Variants in VPS53 observed in about 807,000 individuals in gnomAD.
VPS53 encodes VPS53 subunit of GARP complex.
VPS53 carries 70 observed loss-of-function variants against 107.0 expected under a neutral mutation model. That is an observed-to-expected ratio of 0.65 (90% CI 0.54 to 0.80). The LOEUF (loss-of-function observed/expected upper bound fraction) is 0.80. VPS53 is among the 30% of genes least tolerant of loss of function. The probability of loss-of-function intolerance (pLI) is 0.00; values close to 1 mark genes in which losing one functional copy is unlikely to be tolerated. For synonymous variants in VPS53, 409 were observed against 393.3 expected (o/e 1.04, Z -0.47); for missense variants, 917 against 1,049.4 (o/e 0.87, Z 1.74).
chr17:584,555 G>T (rs929665918), intron 13 of VPS53, among the ~76,000 whole-genome samples: 1 of 152,064 alleles, frequency 6.6e-6, no homozygotes, highest in Admixed American at 6.5e-5. Context: ...CTTTTGAGAC[G>T]AAGTCTCTGT....
At chr17:695,182 T>C (rs1272981127) in intron 4 of VPS53, among the ~76,000 whole-genome samples, 1 of 152,212 alleles carries the variant, frequency 6.6e-6, no homozygotes, top group Admixed American at 6.5e-5. Context: ...CTGTGGGATT[T>C]ATGGAGAAAG....
At chr17:558,153 C>A (rs978625570) in intron 15 of VPS53, among the ~76,000 whole-genome samples, 17 of 152,210 alleles carry the variant, frequency 1.1e-4, no homozygotes, top group Admixed American at 7.2e-4. Context: ...AGCCACTGTA[C>A]CCTGCCAGGA....
In VPS53 at chr17:660,938, A is replaced by C. The variant is rs1325475118; in HGVS notation, c.372+871T>G. ...CACTTCCCAGCGCCTCCCATGGAGG[A>C]GGAGAAGGTGAATGCTGGATTCTCG... On this transcript the variant is annotated intron_variant, in intron 5 of 21. Transcript: ENST00000437048. 2.6e-5 allele frequency among the ~76,000 whole-genome samples: 4 copies of C among 152,112 alleles called. 1 individual carries two copies. The highest frequency in any genetic ancestry group is 3.2e-3 in the Middle Eastern group (1 of 316).
In VPS53 at chr17:673,134, C is replaced by CA. The variant is rs370374429; in HGVS notation, c.286-11240dup. Among the ~76,000 whole-genome samples the CA allele has an allele frequency of 6.5e-3, 907 of 139,978 alleles. 8 individuals are homozygous for CA. The highest frequency in any genetic ancestry group is 0.02 in the African/African-American group (772 of 38,890). 91.8% of individuals were successfully genotyped at this position (139,978 alleles called of 152,430 possible). A position where few individuals can be genotyped will look rare whatever the true frequency, so the allele number is the denominator to read the frequency against. ...CGCAAAAAAAAAACAAAAACAAAAA[C>CA]AAAAAAAAAACAACGGCAGCATCAT... On this transcript the variant is annotated intron_variant, in intron 4 of 21. Coordinates refer to ENST00000437048, the MANE Select transcript of VPS53 (RefSeq NM_001128159.3).
Position 560,663 on chromosome 17 carries a change from G to C in VPS53, c.1557-90C>G. On this transcript the variant is annotated intron_variant, in intron 14 of 21. Coordinates refer to ENST00000437048, the MANE Select transcript of VPS53 (RefSeq NM_001128159.3). ...ACATTATTTTAAGATACAGAAAAGG[G>C]GGAAGTAAAGGCTGGACATGGCCCA... The C allele has an allele frequency of 2.7e-6, 4 of 1,478,650 alleles. 1 individual carries two copies. In the South Asian group the frequency reaches 5.2e-5, roughly 19 times the overall value. 91.6% of individuals were successfully genotyped at this position (1,478,650 alleles called of 1,614,324 possible).
At position 548,853 on chromosome 17, in the gene VPS53, C is replaced by T. The variant is rs72808266; in HGVS notation, c.1866+3019G>A. Among the ~76,000 whole-genome samples, 640 of 152,308 alleles carry T rather than the reference C, an allele frequency of 4.2e-3. 5 individuals carry two copies. Among genetic ancestry groups the T allele is most frequent in the Non-Finnish European group, 7.9e-3 (535 of 68,028 alleles). On this transcript the variant is annotated intron_variant, in intron 17 of 21. Coordinates refer to ENST00000437048, the MANE Select transcript of VPS53 (RefSeq NM_001128159.3). Reference sequence around the variant, plus strand: ...CATGTTTTCACCCTGTTTGAACTGCCCTACTAATCACAAACTCATTCAGAA... The same window carrying T: ...CATGTTTTCACCCTGTTTGAACTGCTCTACTAATCACAAACTCATTCAGAA...
chr17:701,440 C>A (rs1375130684), intron 2 of VPS53, among the ~76,000 whole-genome samples: 1 of 151,944 alleles, frequency 6.6e-6, no homozygotes, highest in Non-Finnish European at 1.5e-5. Context: ...TGCAATGGCG[C>A]GATCTCGGCT....
intron 2 of VPS53, among the ~76,000 whole-genome samples, chr17:700,611 CTG>C (rs1973161591): frequency 6.6e-6 from 1 of 152,130 alleles, no homozygotes; most frequent in African/African-American, 2.4e-5. Context: ...TGCACTACTA[CTG>C]TGATTATAAT....
At chr17:704,973 T>A (rs1367836141) in intron 2 of VPS53, among the ~76,000 whole-genome samples, 1 of 152,102 alleles carries the variant, frequency 6.6e-6, no homozygotes, top group East Asian at 1.9e-4. Context: ...TTTCGTGAAA[T>A]CTCAAAAAAG....
chr17:700,355 C>G (rs887221869), intron 2 of VPS53, among the ~76,000 whole-genome samples: 1 of 151,560 alleles, frequency 6.6e-6, no homozygotes, highest in African/African-American at 2.4e-5. Context: ...CCAGCCAGAC[C>G]GTCATGGCGA....
chr17:680,716 T>G lies in VPS53; in HGVS notation c.285+16702A>C, dbSNP rs184819643. On this transcript the variant is annotated intron_variant, in intron 4 of 21. Transcript: ENST00000437048. ...GGGAGAGAAGTGTCTTTTGCTTTTTTCATTGTGTAATTCTCAATGCTTAAA... is the reference window on the plus strand; with the variant it reads ...GGGAGAGAAGTGTCTTTTGCTTTTTGCATTGTGTAATTCTCAATGCTTAAA... 9.8e-4 allele frequency among the ~76,000 whole-genome samples: 150 copies of G among 152,362 alleles called. 1 individual carries two copies. Among genetic ancestry groups the G allele is most frequent in the African/African-American group, 3.4e-3 (140 of 41,584 alleles).
chr17:535,836 CA>C (rs1597258283), intron 18 of VPS53, among the ~76,000 whole-genome samples: 1 of 152,152 alleles, frequency 6.6e-6, no homozygotes, highest in East Asian at 1.9e-4. Context: ...GCTGACACCA[CA>C]AGCCGCTCCA....
intron 12 of VPS53, among the ~76,000 whole-genome samples, chr17:593,209 G>A: frequency 6.6e-6 from 1 of 151,890 alleles, no homozygotes. Context: ...AAAAACCCTA[G>A]AAGAAAACCT....
chr17:637,616 G>T (rs1264010885), intron 7 of VPS53, among the ~76,000 whole-genome samples: 1 of 152,094 alleles, frequency 6.6e-6, no homozygotes, highest in Non-Finnish European at 1.5e-5. Flanking sequence ...CTGGTATGTT[G>T]TATCTTGTTC....
chr17:604,114 G>A (rs1968451304), intron 11 of VPS53, among the ~76,000 whole-genome samples: 3 of 152,120 alleles, frequency 2.0e-5, no homozygotes. Flanking sequence ...AAGTCTATTG[G>A]GTTGATAACA....
chr17:700,707 T>C (rs1973164717), intron 2 of VPS53, among the ~76,000 whole-genome samples: 1 of 152,154 alleles, frequency 6.6e-6, no homozygotes, highest in South Asian at 2.1e-4. Flanking sequence ...TGCCCCCTAA[T>C]GGACAAGAGG....
At chr17:567,334 A>G (rs1041869636) in intron 13 of VPS53, among the ~76,000 whole-genome samples, 2 of 152,192 alleles carry the variant, frequency 1.3e-5, no homozygotes, top group African/African-American at 2.4e-5. Flanking sequence ...CAGTTGGGGA[A>G]ACCTTCCCCT....
intron 12 of VPS53, among the ~76,000 whole-genome samples, chr17:587,265 G>C (rs1967369413): frequency 6.6e-6 from 1 of 152,170 alleles, no homozygotes; most frequent in Non-Finnish European, 1.5e-5. Flanking sequence ...GTTTTGCCAT[G>C]TTGGCCAGGC....
chr17:586,470 A>C (rs902254276), intron 12 of VPS53, 106 bp from the exon 13 acceptor site: 6 of 1,092,658 alleles, frequency 5.5e-6, no homozygotes, highest in Admixed American at 2.1e-5. Context: ...GTCACAGATA[A>C]GAGAGTACTC....
Sources: allele counts gnomAD v4.1 joint callset (sites outside exome capture counted in the v4.1 genomes callset), GRCh38; gene constraint gnomAD v4.1.1; transcripts MANE v1.5; gene names NCBI Gene and HGNC (gene_info 2026-07-23, HGNC 2026-07-21).